SGCZ: variants seen among roughly 807,000 people sequenced by gnomAD.
The protein encoded by SGCZ is sarcoglycan zeta.
Under a neutral mutation model 41.3 loss-of-function variants are expected in SGCZ, and 40 were observed. That is an observed-to-expected ratio of 0.97 (90% CI 0.75 to 1.26). The LOEUF (loss-of-function observed/expected upper bound fraction) is 1.26. SGCZ is among the 50% of genes most tolerant of loss of function. The pLI, the probability that SGCZ is intolerant of heterozygous loss-of-function variation, is 0.00. For synonymous variants in SGCZ, 206 were observed against 137.5 expected (o/e 1.50, Z -3.49); for missense variants, 552 against 369.8 (o/e 1.49, Z -4.04).
Position 14,929,096 on chromosome 8 carries a change from A to C in SGCZ, c.39+308489T>G, listed in dbSNP as rs575178813. The stretch of plus-strand genomic sequence containing the variant: ...GACCTCCACCTCCCGGGTTCAAGTG[A>C]TTCTCCTGCCTCAGCCTCCTGAGTA... On this transcript the variant is annotated intron_variant, in intron 1 of 7. Transcript: ENST00000382080. Among the ~76,000 whole-genome samples the C allele has an allele frequency of 6.4e-4, 97 of 152,158 alleles. 5 individuals carry two copies. In the South Asian group the frequency reaches 0.02, roughly 32 times the overall value.
At chr8:14,690,603 A>G (rs1318697467) in intron 1 of SGCZ, 1 of 152,164 alleles carries the variant, frequency 6.6e-6, no homozygotes, top group Admixed American at 6.5e-5. Flanking sequence ...TTCAAGAAAA[A>G]CTAGAGACGG....
At chr8:14,963,594 C>T (rs575033154) in intron 1 of SGCZ, among the ~76,000 whole-genome samples, 2 of 152,176 alleles carry the variant, frequency 1.3e-5, no homozygotes, top group South Asian at 2.1e-4. Flanking sequence ...GTGATCCACC[C>T]GCCTCAGCCT....
intron 1 of SGCZ, among the ~76,000 whole-genome samples, chr8:14,802,045 T>C (rs1801336691): frequency 6.6e-6 from 1 of 152,180 alleles, no homozygotes; most frequent in Non-Finnish European, 1.5e-5. Flanking sequence ...TGTTGGAAGA[T>C]GAACAAATCT....
At chr8:14,952,125 C>T (rs1800659970) in intron 1 of SGCZ, among the ~76,000 whole-genome samples, 1 of 152,020 alleles carries the variant, frequency 6.6e-6, no homozygotes. Context: ...ATTATAGTTT[C>T]AGACCTAGAT....
At chr8:14,255,861 A>G (rs1799445020) in intron 3 of SGCZ, among the ~76,000 whole-genome samples, 1 of 152,148 alleles carries the variant, frequency 6.6e-6, no homozygotes. Context: ...CAAAAACCCT[A>G]TCACATTGAT....
chr8:14,271,349 TTTGA>T (rs1248783844), intron 3 of SGCZ, among the ~76,000 whole-genome samples: 4 of 152,218 alleles, frequency 2.6e-5, no homozygotes, highest in Admixed American at 2.6e-4. Flanking sequence ...TCATTTTGTT[TTTGA>T]TTGATTCATA....
At chr8:14,745,832 T>A (rs2130297791) in intron 1 of SGCZ, among the ~76,000 whole-genome samples, 1 of 152,198 alleles carries the variant, frequency 6.6e-6, no homozygotes, top group South Asian at 2.1e-4. Context: ...TTTAGTATAT[T>A]ATTTTTATAT....
chr8:14,836,552 G>T (rs763244318), intron 1 of SGCZ, among the ~76,000 whole-genome samples: 1 of 152,150 alleles, frequency 6.6e-6, no homozygotes, highest in African/African-American at 2.4e-5. Flanking sequence ...AAGCTGGATT[G>T]CAGTGGCATG....
intron 1 of SGCZ, among the ~76,000 whole-genome samples, chr8:14,846,307 A>G (rs533131832): frequency 2.0e-5 from 3 of 152,258 alleles, no homozygotes; most frequent in Admixed American, 6.5e-5. Context: ...CCCAAAGCAC[A>G]TAGAACAGTT....
chr8:14,423,700 C>T, intron 2 of SGCZ, among the ~76,000 whole-genome samples: 1 of 152,176 alleles, frequency 6.6e-6, no homozygotes, highest in Non-Finnish European at 1.5e-5. Flanking sequence ...AGGCGTAAGC[C>T]ACTGTATCTG....
At chr8:15,155,973 G>A (rs767787494) in intron 1 of SGCZ, among the ~76,000 whole-genome samples, 6 of 147,778 alleles carry the variant, frequency 4.1e-5, no homozygotes, top group Non-Finnish European at 5.9e-5. Context: ...CAGGAGAATC[G>A]CTTGAACTTG....
At chr8:14,186,544 G>A (rs1416461066) in intron 4 of SGCZ, among the ~76,000 whole-genome samples, 4 of 152,152 alleles carry the variant, frequency 2.6e-5, no homozygotes, top group Non-Finnish European at 4.4e-5. Context: ...GAAGACTAAA[G>A]GCACTCCCCA....
chr8:14,827,363 A>G (rs541014586), intron 1 of SGCZ, among the ~76,000 whole-genome samples: 2 of 151,668 alleles, frequency 1.3e-5, no homozygotes, highest in African/African-American at 2.4e-5. Context: ...CAGCCTCCCA[A>G]GTAGCTGGGA....
chr8:14,421,965 C>A (rs1289943770), intron 2 of SGCZ, among the ~76,000 whole-genome samples: 5 of 152,056 alleles, frequency 3.3e-5, no homozygotes, highest in African/African-American at 1.2e-4. Flanking sequence ...GTTAGTCATG[C>A]TTTAATAGAG....
At chr8:14,927,330 C>A (rs1032108103) in intron 1 of SGCZ, among the ~76,000 whole-genome samples, 1 of 150,372 alleles carries the variant, frequency 6.7e-6, no homozygotes, top group African/African-American at 2.4e-5. Context: ...AGGATGGTGT[C>A]GATTTCCTGT....
chr8:14,612,968 G>C (rs113176435), intron 1 of SGCZ, among the ~76,000 whole-genome samples: 450 of 152,288 alleles, frequency 3.0e-3, no homozygotes, highest in African/African-American at 0.01. Flanking sequence ...TTACAGGCGT[G>C]AGCCACCATG....
chr8:14,612,502 A>T (rs2117343732), intron 1 of SGCZ, among the ~76,000 whole-genome samples: 1 of 152,266 alleles, frequency 6.6e-6, no homozygotes, highest in African/African-American at 2.4e-5. Flanking sequence ...TCTTTATAGC[A>T]CTGTGAGAAT....
intron 2 of SGCZ, among the ~76,000 whole-genome samples, chr8:14,513,813 C>T (rs1316608331): frequency 1.3e-5 from 2 of 152,050 alleles, no homozygotes; most frequent in African/African-American, 2.4e-5. Flanking sequence ...GTATTTGAAT[C>T]TTCCTCCCTC....
chr8:14,808,719 C>T (rs1585279457), intron 1 of SGCZ, among the ~76,000 whole-genome samples: 1 of 151,926 alleles, frequency 6.6e-6, no homozygotes, highest in Admixed American at 6.6e-5. Flanking sequence ...ACCCAGCCAT[C>T]CCATTACTGG....
Sources: gnomAD v4.1 joint callset for allele counts (sites outside exome capture counted in the v4.1 genomes callset) on GRCh38, gnomAD v4.1.1 for gene constraint, MANE v1.5 for transcripts, NCBI Gene and HGNC (gene_info 2026-07-23, HGNC 2026-07-21) for gene names.